The following PACRGL variants were observed in gnomAD, a reference collection of about 807,000 sequenced individuals.
PACRGL encodes parkin coregulated like.
A neutral mutation model predicts 34.5 loss-of-function variants in PACRGL; 38 were observed. That is an observed-to-expected ratio of 1.10 (90% CI 0.85 to 1.44). PACRGL has a LOEUF of 1.44. Among genes scored for constraint, PACRGL ranks in the 40% most tolerant of loss-of-function variants. PACRGL has a pLI of 0.00. For synonymous variants in PACRGL, 128 were observed against 100.1 expected (o/e 1.28, Z -1.66); for missense variants, 305 against 281.4 (o/e 1.08, Z -0.60).
Position 20,732,532 on chromosome 4 carries a change from A to G in PACRGL, c.*5191A>G, listed in dbSNP as rs1447083438. On this transcript the variant is annotated 3_prime_UTR_variant, in exon 9 of 9. Transcript: ENST00000503585. Reference sequence around the variant, plus strand: ...ATCAGCATTGTAAATTCAAAACCAAAGCTATTAAATTAATAGGATGCTAAA... The same window carrying G: ...ATCAGCATTGTAAATTCAAAACCAAGGCTATTAAATTAATAGGATGCTAAA... 1.5e-6 allele frequency: 1 copy of G among 655,820 alleles called. No homozygotes were observed. Among genetic ancestry groups the G allele is most frequent in the Non-Finnish European group, 2.7e-6 (1 of 369,216 alleles). The allele number at this position is 655,820 out of a possible 1,614,324, so 40.6% of individuals were successfully genotyped here.
chr4:20,754,659 A>G (rs1040380573), downstream of PACRGL, among the ~76,000 whole-genome samples: 1 of 152,256 alleles, frequency 6.6e-6, no homozygotes, highest in African/African-American at 2.4e-5. Context: ...TAACATGAAT[A>G]ATGAAATAAT....
At position 20,704,807 on chromosome 4, in the gene PACRGL, T is replaced by C. The variant is rs999576792; in HGVS notation, c.200T>C (p.Ile67Thr). ...RPSDKLNPKT[I>T]NPFGEQSRVP... ...AGTGATAAACTGAACCCTAAAACAA[T>C]TAATCCGGTAGGTCCAAAACTATTC... The change falls in exon 3 of 9, where the codon ATT (isoleucine) becomes ACT (threonine). Residue 67 changes from isoleucine to threonine, a missense_variant. Physicochemically the swap from Ile to Thr is moderately conservative, Grantham distance 89. Transcript: ENST00000503585. 1 of 1,613,760 alleles carries C rather than the reference T, an allele frequency of 6.2e-7. No homozygotes were observed. The highest frequency in any genetic ancestry group is 8.5e-7 in the Non-Finnish European group (1 of 1,179,840).
intron 8 of PACRGL, among the ~76,000 whole-genome samples, chr4:20,744,117 A>G (rs984478512): frequency 1.3e-5 from 2 of 152,132 alleles, no homozygotes; most frequent in East Asian, 1.9e-4. Flanking sequence ...GAAACAACAG[A>G]TGCTGGAGAG....
intron 7 of PACRGL, among the ~76,000 whole-genome samples, chr4:20,723,856 G>A (rs1456736951): frequency 6.6e-6 from 1 of 152,074 alleles, no homozygotes; most frequent in East Asian, 1.9e-4. Context: ...GGTTGTGTGA[G>A]GGTTAGTTCC....
chr4:20,759,519 T>G, the PACRGL span, among the ~76,000 whole-genome samples: 1 of 152,174 alleles, frequency 6.6e-6, no homozygotes, highest in Non-Finnish European at 1.5e-5. Flanking sequence ...CCTTTGTCCC[T>G]GGGTCAACTT....
intron 8 of PACRGL, among the ~76,000 whole-genome samples, chr4:20,748,558 TTTTATATATA>T (rs1446856949): frequency 0.024 from 2,863 of 118,394 alleles, 78 homozygotes; most frequent in Middle Eastern, 0.046. Context: ...ACCTTCCAAA[TTTTATATATA>T]TATATATATA....
chr4:20,727,973 A>T lies in PACRGL; in HGVS notation c.*632A>T, dbSNP rs2149221603. 1 of 152,574 alleles carries T rather than the reference A, an allele frequency of 6.6e-6. No homozygotes were observed. Among genetic ancestry groups the T allele is most frequent in the East Asian group, 1.9e-4 (1 of 5,188 alleles). The allele number at this position is 152,574 out of a possible 1,614,324, so 9.5% of individuals were successfully genotyped here. ...CCAGCTAATTTTGAAATTTGCTTGT[A>T]GAGATGGGATCTCACTCTGTTGTCC... On this transcript the variant is annotated 3_prime_UTR_variant, in exon 9 of 9. Transcript: ENST00000503585.
In PACRGL at chr4:20,728,797, TGTTGCAAAGACA is replaced by T. The variant is rs913208753; in HGVS notation, c.*1465_*1476del. On this transcript the variant is annotated 3_prime_UTR_variant, in exon 9 of 9. Coordinates refer to ENST00000503585, the MANE Select transcript of PACRGL (RefSeq NM_001258345.3). Reference sequence around the variant, plus strand: ...ACACCAGAATAGATACCTGATTTATTGTTGCAAAGACAGTTGCAAATTTCCTCCTTCTGTAGC... The same window carrying T: ...ACACCAGAATAGATACCTGATTTATTGTTGCAAATTTCCTCCTTCTGTAGC... 16 of 152,622 alleles carry T rather than the reference TGTTGCAAAGACA, an allele frequency of 1.0e-4. No homozygotes were observed. The highest frequency in any genetic ancestry group is 3.6e-4 in the African/African-American group (15 of 41,448). 9.5% of individuals were successfully genotyped at this position (152,622 alleles called of 1,614,324 possible).
intron 3 of PACRGL, among the ~76,000 whole-genome samples, chr4:20,705,537 A>C (rs145604881): frequency 3.0e-4 from 46 of 152,216 alleles, no homozygotes; most frequent in African/African-American, 1.0e-3. Context: ...AAATAGTTTG[A>C]GCGGCTATGT....
chr4:20,751,090 G>A (rs1011134979), intron 8 of PACRGL, among the ~76,000 whole-genome samples: 1 of 152,138 alleles, frequency 6.6e-6, no homozygotes, highest in African/African-American at 2.4e-5. Flanking sequence ...CACTACTGAA[G>A]GCTATACATT....
chr4:20,701,922 T>G, intron 1 of PACRGL: 1 of 455,698 alleles, frequency 2.2e-6, no homozygotes, highest in Non-Finnish European at 4.4e-6. Context: ...AGCAATTGTT[T>G]TGGAAGGAAA....
chr4:20,731,963 T>C lies in PACRGL; in HGVS notation c.*4622T>C. The C allele has an allele frequency of 6.2e-7, 1 of 1,610,496 alleles. No homozygotes were observed. Among genetic ancestry groups the C allele is most frequent in the East Asian group, 2.2e-5 (1 of 44,804 alleles). On this transcript the variant is annotated 3_prime_UTR_variant, in exon 9 of 9. Transcript: ENST00000503585. The stretch of plus-strand genomic sequence containing the variant: ...TAGCTGCTAATACTCAGTTTAGCTG[T>C]TATGATAGCTGAATTGATAGTTATT...
downstream of PACRGL, among the ~76,000 whole-genome samples, chr4:20,757,536 C>T (rs959381222): frequency 3.3e-5 from 5 of 152,192 alleles, no homozygotes; most frequent in Non-Finnish European, 7.3e-5. Context: ...ACTCTCTACC[C>T]TAGCCACACC....
At chr4:20,751,544 A>G (rs1753638946) in intron 8 of PACRGL, among the ~76,000 whole-genome samples, 1 of 152,100 alleles carries the variant, frequency 6.6e-6, no homozygotes, top group Non-Finnish European at 1.5e-5. Context: ...GGAGGAAAAA[A>G]AAAAGAGATT....
intron 1 of PACRGL, among the ~76,000 whole-genome samples, chr4:20,703,385 A>C (rs1268967960): frequency 6.6e-6 from 1 of 152,178 alleles, no homozygotes; most frequent in East Asian, 1.9e-4. Context: ...TGCCATAGAA[A>C]TACACATTTG....
Position 20,752,055 on chromosome 4 carries a change from G to GTTT in PACRGL, c.*57-492_*57-490dup, listed in dbSNP as rs33912651. 9.1e-3 allele frequency among the ~76,000 whole-genome samples: 1,103 copies of GTTT among 121,558 alleles called. 30 individuals are homozygous for GTTT. The highest frequency in any genetic ancestry group is 0.019 in the African/African-American group (595 of 31,942). 79.7% of individuals were successfully genotyped at this position (121,558 alleles called of 152,430 possible). A position where few individuals can be genotyped will look rare whatever the true frequency, so the allele number is the denominator to read the frequency against. On this transcript the variant is annotated intron_variant, in intron 8 of 8. Coordinates refer to the PACRGL transcript ENST00000507634. ...ACAATATCAGTATGTACTTCATAGA[G>GTTT]TTTTTTTTTTTTTTTTTTTTGAGAC...
chr4:20,743,120 A>T (rs534504818), intron 8 of PACRGL, among the ~76,000 whole-genome samples: 23 of 151,942 alleles, frequency 1.5e-4, no homozygotes, highest in Admixed American at 9.2e-4. Context: ...ATAAAAGAGG[A>T]CACAAACAAA....
chr4:20,721,616 A>G (rs1187257790), intron 7 of PACRGL, among the ~76,000 whole-genome samples: 1 of 152,226 alleles, frequency 6.6e-6, no homozygotes, highest in East Asian at 1.9e-4. Flanking sequence ...CCTGGGTATC[A>G]GCAGTGGAGG....
chr4:20,749,420 T>C (rs1264292963), intron 8 of PACRGL, among the ~76,000 whole-genome samples: 1 of 152,136 alleles, frequency 6.6e-6, no homozygotes, highest in Non-Finnish European at 1.5e-5. Flanking sequence ...ACTTTTCACA[T>C]GTAATTGAAG....
Sources: allele counts gnomAD v4.1 joint callset (sites outside exome capture counted in the v4.1 genomes callset), GRCh38; gene constraint gnomAD v4.1.1; transcripts MANE v1.5; gene names NCBI Gene and HGNC (gene_info 2026-07-23, HGNC 2026-07-21).